Variants in MYO5C observed in about 807,000 individuals in gnomAD.
The protein encoded by MYO5C is myosin VC, also known as unconventional myosin-Vc.
Under a neutral mutation model 235.7 loss-of-function variants are expected in MYO5C, and 194 were observed. The ratio of observed to expected loss-of-function variants is 0.82; its 90% confidence interval spans 0.73 to 0.93. The LOEUF (loss-of-function observed/expected upper bound fraction) is 0.93. Among genes scored for constraint, MYO5C ranks in the 40% least tolerant of loss-of-function variants. The probability of loss-of-function intolerance (pLI) is 0.00; values close to 1 mark genes in which losing one functional copy is unlikely to be tolerated. For synonymous variants in MYO5C, 707 were observed against 754.8 expected (o/e 0.94, Z 1.04); for missense variants, 2,038 against 2,127.2 (o/e 0.96, Z 0.82).
intron 23 of MYO5C, among the ~76,000 whole-genome samples, chr15:52,234,349 T>C (rs2036031306): frequency 6.6e-6 from 1 of 152,200 alleles, no homozygotes; most frequent in African/African-American, 2.4e-5. Flanking sequence ...AAATATTACA[T>C]TGAAAGTTTT....
rs149921307 is a variant in MYO5C at position 52,217,373 on chromosome 15, C to T, written c.3954+1146G>A. On this transcript the variant is annotated intron_variant, in intron 32 of 40. Transcript: ENST00000261839. ...GGCACCAGGAACGAACTCATAAATC[C>T]GTCACAATGCACAGGGACAGTCAGA... Among the ~76,000 whole-genome samples the T allele has an allele frequency of 4.3e-3, 654 of 152,322 alleles. 1 individual carries two copies. The highest frequency in any genetic ancestry group is 6.2e-3 in the Non-Finnish European group (421 of 68,030).
rs79464536 is a variant in MYO5C, at chr15:52,293,930, C to T, written c.27+1680G>A. ...CTCCCCTTCACACCTCCAGAACAGA[C>T]AAAATGGGGGCTAACTGCCCACCAG... is the stretch of plus-strand genomic sequence containing the variant. On this transcript the variant is annotated intron_variant, in intron 1 of 40. Coordinates refer to ENST00000261839, the MANE Select transcript of MYO5C (RefSeq NM_018728.4). Among the ~76,000 whole-genome samples the T allele has an allele frequency of 7.2e-5, 11 of 152,336 alleles. No homozygotes were observed. The East Asian group carries it at 2.1e-3, about 29-fold the overall frequency.
intron 5 of MYO5C, among the ~76,000 whole-genome samples, chr15:52,273,306 T>C (rs752155215): frequency 1.3e-5 from 2 of 152,152 alleles, no homozygotes; most frequent in Non-Finnish European, 2.9e-5. Flanking sequence ...CTGGGTAACT[T>C]AGCGAGACCC....
chr15:52,231,645 C>T (rs1030440303), intron 24 of MYO5C, among the ~76,000 whole-genome samples: 2 of 152,320 alleles, frequency 1.3e-5, no homozygotes, highest in East Asian at 3.9e-4. Context: ...CCTGCTTCCT[C>T]ACCCAGACGC....
intron 9 of MYO5C, among the ~76,000 whole-genome samples, chr15:52,261,416 G>A (rs1039581643): frequency 1.3e-5 from 2 of 152,232 alleles, no homozygotes; most frequent in Non-Finnish European, 2.9e-5. Context: ...GAATGTCAGC[G>A]GTGACTAAGG....
At chr15:52,256,763 G>C (rs1187201163) in intron 10 of MYO5C, 43 bp from the exon 11 acceptor site, 4 of 1,417,600 alleles carry the variant, frequency 2.8e-6, no homozygotes, top group Non-Finnish European at 4.0e-6. Context: ...CCTGAAGCAA[G>C]ACATATGCAT....
chr15:52,279,817 A>C, intron 2 of MYO5C, 143 bp from the exon 3 acceptor site: 4 of 787,898 alleles, frequency 5.1e-6, no homozygotes, highest in Non-Finnish European at 7.8e-6. Context: ...CAACAAGAAA[A>C]TCTTCACAGC....
intron 12 of MYO5C, among the ~76,000 whole-genome samples, chr15:52,251,828 C>T (rs929307787): frequency 1.3e-5 from 2 of 151,946 alleles, no homozygotes; most frequent in Admixed American, 6.6e-5. Flanking sequence ...CCATGCCTGA[C>T]TAATTTTTGT....
At chr15:52,213,815 A>G (rs1325613674) in intron 33 of MYO5C, among the ~76,000 whole-genome samples, 2 of 152,200 alleles carry the variant, frequency 1.3e-5, no homozygotes, top group African/African-American at 4.8e-5. Flanking sequence ...TCATTCATTC[A>G]TCCCAGCAGT....
chr15:52,195,333 T>C, intron 40 of MYO5C, 44 bp downstream of exon 40: 1 of 1,291,328 alleles, frequency 7.7e-7, no homozygotes, highest in African/African-American at 1.5e-5. Flanking sequence ...TCTTATACCA[T>C]AGTTAGGAAG....
intron 8 of MYO5C, among the ~76,000 whole-genome samples, chr15:52,268,557 A>C (rs563175896): frequency 2.2e-4 from 33 of 152,312 alleles, no homozygotes; most frequent in African/African-American, 7.9e-4. Context: ...TCTCAAAAAA[A>C]AGAAAAGAAA....
At chr15:52,265,556 T>TTTA (rs2036790169) in intron 8 of MYO5C, among the ~76,000 whole-genome samples, 2 of 147,100 alleles carry the variant, frequency 1.4e-5, no homozygotes, top group South Asian at 2.2e-4. Context: ...TTTTTTTTTT[T>TTTA]GAGACAAGGT....
At chr15:52,279,759 C>G in intron 2 of MYO5C, 85 bp from the exon 3 acceptor site, 1 of 1,312,728 alleles carries the variant, frequency 7.6e-7, no homozygotes, top group Non-Finnish European at 1.0e-6. Context: ...TCCTATCCAC[C>G]CCTCCATCAG....
chr15:52,253,939 T>G (rs888065914), intron 11 of MYO5C, among the ~76,000 whole-genome samples: 10 of 140,744 alleles, frequency 7.1e-5, no homozygotes, highest in Non-Finnish European at 1.1e-4. Flanking sequence ...GAGGATGTAC[T>G]CAGGCTTACC....
intron 9 of MYO5C, among the ~76,000 whole-genome samples, chr15:52,263,875 CTTGCT>C (rs898909021): frequency 1.3e-5 from 2 of 152,204 alleles, no homozygotes; most frequent in African/African-American, 4.8e-5. Flanking sequence ...TGAAGGGCTT[CTTGCT>C]TTGTTTTGTT....
At chr15:52,249,246 A>C (rs1196767914) in intron 13 of MYO5C, among the ~76,000 whole-genome samples, 1 of 152,196 alleles carries the variant, frequency 6.6e-6, no homozygotes, top group Non-Finnish European at 1.5e-5. Context: ...AAGAGCCACC[A>C]AGCCCTCAGA....
Position 52,229,615 on chromosome 15 carries a change from C to A in MYO5C, c.3027-302G>T, listed in dbSNP as rs1004494408. Among the ~76,000 whole-genome samples, 5 of 152,236 alleles carry A rather than the reference C, an allele frequency of 3.3e-5. No individual in the cohort carries two copies. In the South Asian group the frequency reaches 6.2e-4, roughly 19 times the overall value. On this transcript the variant is annotated intron_variant, in intron 24 of 40. Transcript: ENST00000261839. ...CTTCAATCTGGGTGACAGAGTGAGA[C>A]CCTCCCCACAACACCCCCTAAAAAA...
intron 29 of MYO5C, among the ~76,000 whole-genome samples, chr15:52,222,654 C>T (rs972388799): frequency 2.0e-5 from 3 of 150,542 alleles, no homozygotes; most frequent in African/African-American, 5.0e-5. Flanking sequence ...GGGAGGTGTG[C>T]GGAGGAAGTA....
At chr15:52,290,387 A>C (rs886858724) in intron 1 of MYO5C, among the ~76,000 whole-genome samples, 1 of 152,166 alleles carries the variant, frequency 6.6e-6, no homozygotes, top group African/African-American at 2.4e-5. Flanking sequence ...ATTTAGAATT[A>C]GCCAAATTAA....
Sources: gnomAD v4.1 joint callset for allele counts (sites outside exome capture counted in the v4.1 genomes callset) on GRCh38, gnomAD v4.1.1 for gene constraint, MANE v1.5 for transcripts, NCBI Gene and HGNC (gene_info 2026-07-23, HGNC 2026-07-21) for gene names.